JMJD1C: variants seen among roughly 807,000 people sequenced by gnomAD.
JMJD1C encodes jumonji domain-containing protein 1C.
A neutral mutation model predicts 245.3 loss-of-function variants in JMJD1C; 31 were observed. The ratio of observed to expected loss-of-function variants is 0.13; its 90% CI spans 0.09 to 0.17. The LOEUF (loss-of-function observed/expected upper bound fraction) is 0.17. JMJD1C is among the 10% of genes least tolerant of loss of function. JMJD1C has a pLI of 1.00. For missense variants in JMJD1C, 2,691 were observed against 3,000.2 expected (o/e 0.90, Z 2.41); for synonymous variants, 1,057 against 1,017.4 (o/e 1.04, Z -0.74).
chr10:63,419,659 T>C (rs1043800919), intron 1 of JMJD1C, among the ~76,000 whole-genome samples: 4 of 152,030 alleles, frequency 2.6e-5, no homozygotes, highest in African/African-American at 9.7e-5. Context: ...AGAAAGGCTA[T>C]ATCCTGGGAG....
intron 1 of JMJD1C, among the ~76,000 whole-genome samples, chr10:63,517,163 G>C (rs1955044024): frequency 1.3e-5 from 2 of 152,112 alleles, no homozygotes; most frequent in Admixed American, 6.5e-5. Flanking sequence ...AGTCTCATTA[G>C]CATTCTCATT....
chr10:63,313,024 T>C (rs1246334932), intron 2 of JMJD1C, among the ~76,000 whole-genome samples: 1 of 152,176 alleles, frequency 6.6e-6, no homozygotes, highest in Admixed American at 6.5e-5. Context: ...CGGTGATTTG[T>C]GGGATTTTGG....
Position 63,296,003 on chromosome 10 carries a change from G to GTATA in JMJD1C, c.334-31243_334-31240dup, listed in dbSNP as rs1205721922. 5.3e-3 allele frequency among the ~76,000 whole-genome samples: 507 copies of GTATA among 95,714 alleles called. 31 individuals are homozygous for GTATA. Among genetic ancestry groups the GTATA allele is most frequent in the African/African-American group, 0.013 (342 of 25,834 alleles). 62.8% of individuals were successfully genotyped at this position (95,714 alleles called of 152,430 possible). A position where few individuals can be genotyped will look rare whatever the true frequency, so the allele number is the denominator to read the frequency against. ...TGTGTGTGTGTGTGTGTGTGTGTGT[G>GTATA]TATATATATATTTTTTTTTTTTTCT... is the stretch of plus-strand genomic sequence containing the variant. On this transcript the variant is annotated intron_variant, in intron 2 of 25. Transcript: ENST00000399262.
At position 63,305,627 on chromosome 10, in the gene JMJD1C, G is replaced by GGTGTGTGTGT. The variant is rs1420500276; in HGVS notation, c.334-40864_334-40863insACACACACAC. ...GACTACGGGCAAGCACCACCATGCTGGCGTGTGTGTGTGTGTGTGTGTGTG... is the reference window on the plus strand; with the variant it reads ...GACTACGGGCAAGCACCACCATGCTGGTGTGTGTGTGCGTGTGTGTGTGTGTGTGTGTGTG... On this transcript the variant is annotated intron_variant, in intron 2 of 25. Transcript: ENST00000399262. Among the ~76,000 whole-genome samples, 30 of 58,610 alleles carry GGTGTGTGTGT rather than the reference G, an allele frequency of 5.1e-4. 1 individual carries two copies. The highest frequency in any genetic ancestry group is 8.3e-4 in the Non-Finnish European group (19 of 22,788). 38.5% of individuals were successfully genotyped at this position (58,610 alleles called of 152,430 possible).
At chr10:63,475,070 A>G (rs910689530) in intron 1 of JMJD1C, among the ~76,000 whole-genome samples, 6 of 152,198 alleles carry the variant, frequency 3.9e-5, no homozygotes, top group Non-Finnish European at 7.3e-5. Context: ...AAATGTAAAG[A>G]TAAATCATGA....
chr10:63,269,460 T>A (rs1301835794), intron 2 of JMJD1C, among the ~76,000 whole-genome samples: 3 of 152,194 alleles, frequency 2.0e-5, no homozygotes. Context: ...ATGCAAATAC[T>A]AAGTTTTTGC....
intron 1 of JMJD1C, among the ~76,000 whole-genome samples, chr10:63,424,808 AC>A (rs1369389547): frequency 6.6e-6 from 1 of 152,178 alleles, no homozygotes; most frequent in African/African-American, 2.4e-5. Context: ...GATTTTCTTT[AC>A]TCAGAGAAAT....
chr10:63,198,850 A>C, intron 11 of JMJD1C, 123 bp from the exon 12 acceptor site: 1 of 540,536 alleles, frequency 1.9e-6, no homozygotes, highest in Non-Finnish European at 3.1e-6. Flanking sequence ...CATTAAAAAC[A>C]GGAAAACAGG....
At chr10:63,220,127 T>A in intron 3 of JMJD1C, 144 bp from the exon 4 acceptor site, 1 of 520,142 alleles carries the variant, frequency 1.9e-6, no homozygotes, top group Non-Finnish European at 3.5e-6. Flanking sequence ...GAGTTATAGT[T>A]CATTGGCAAT....
intron 10 of JMJD1C, chr10:63,204,686 A>C (rs1397733513): frequency 4.1e-6 from 4 of 985,340 alleles, no homozygotes; most frequent in African/African-American, 1.7e-5. Context: ...AGTAAATGGC[A>C]GGTATCCTTC....
intron 1 of JMJD1C, among the ~76,000 whole-genome samples, chr10:63,504,207 T>C (rs555501577): frequency 1.3e-5 from 2 of 152,328 alleles, no homozygotes; most frequent in African/African-American, 4.8e-5. Context: ...ATAGGAGATA[T>C]ATAGGTACTG....
At chr10:63,289,004 T>TG (rs1371521366) in intron 2 of JMJD1C, among the ~76,000 whole-genome samples, 2 of 151,752 alleles carry the variant, frequency 1.3e-5, no homozygotes, top group African/African-American at 4.8e-5. Flanking sequence ...TCTTTACGTT[T>TG]GCTTTCTCAT....
chr10:63,329,096 A>T (rs1207882533), intron 2 of JMJD1C, among the ~76,000 whole-genome samples: 1 of 152,132 alleles, frequency 6.6e-6, no homozygotes, highest in Non-Finnish European at 1.5e-5. Flanking sequence ...AGCCTGGGCA[A>T]CATGGTAAAA....
chr10:63,392,744 G>C (rs569974519), intron 1 of JMJD1C, among the ~76,000 whole-genome samples: 1 of 144,860 alleles, frequency 6.9e-6, no homozygotes, highest in East Asian at 2.1e-4. Context: ...AGAACTGCTT[G>C]AACACGGGAG....
chr10:63,194,026 A>T (rs1027275275), intron 14 of JMJD1C, among the ~76,000 whole-genome samples: 1 of 152,208 alleles, frequency 6.6e-6, no homozygotes, highest in African/African-American at 2.4e-5. Context: ...CAAAAATTAT[A>T]AGAAGCTTTC....
At chr10:63,505,721 T>G (rs1954698322) in intron 1 of JMJD1C, among the ~76,000 whole-genome samples, 1 of 151,660 alleles carries the variant, frequency 6.6e-6, no homozygotes, top group Non-Finnish European at 1.5e-5. Context: ...TACAAACAAT[T>G]TCAAGATAAA....
intron 1 of JMJD1C, among the ~76,000 whole-genome samples, chr10:63,504,469 C>G (rs1436847253): frequency 1.3e-5 from 2 of 152,174 alleles, no homozygotes; most frequent in Admixed American, 6.5e-5. Context: ...AAGCAGGGAA[C>G]AGCAGAATCA....
chr10:63,481,439 TTTGC>T (rs1241605197), intron 1 of JMJD1C, among the ~76,000 whole-genome samples: 1 of 152,186 alleles, frequency 6.6e-6, no homozygotes, highest in East Asian at 1.9e-4. Context: ...GATTTTTTTT[TTTGC>T]TTTTTTTTCC....
chr10:63,222,491 T>G, intron 3 of JMJD1C: 4 of 1,052,508 alleles, frequency 3.8e-6, no homozygotes, highest in Non-Finnish European at 4.5e-6. Flanking sequence ...AGTAGGAGAA[T>G]GTGGACTTGA....
Sources: allele counts gnomAD v4.1 joint callset (sites outside exome capture counted in the v4.1 genomes callset), GRCh38; gene constraint gnomAD v4.1.1; transcripts MANE v1.5; gene names NCBI Gene and HGNC (gene_info 2026-07-23, HGNC 2026-07-21).